Variants in ADAM17 observed in about 807,000 individuals in gnomAD.
ADAM17 encodes the protein disintegrin and metalloproteinase domain-containing protein 17.
Under a neutral mutation model 96.7 loss-of-function variants are expected in ADAM17, and 39 were observed. The observed-to-expected ratio is 0.40, with a 90% CI of 0.31 to 0.53. The LOEUF is 0.53. Ranked by LOEUF, ADAM17 falls within the 20% of genes least tolerant of loss-of-function variation. The pLI, the probability that ADAM17 is intolerant of heterozygous loss-of-function variation, is 0.44. For synonymous variants in ADAM17, 344 were observed against 359.2 expected, an observed-to-expected ratio of 0.96 and a Z score of 0.48; for missense variants, 777 against 1,013.2, an observed-to-expected ratio of 0.77 and a Z score of 3.17.
chr2:9,533,528 AGAGT>A (rs1664838446), intron 4 of ADAM17, among the ~76,000 whole-genome samples: 1 of 152,338 alleles, frequency 6.6e-6, no homozygotes, highest in Admixed American at 6.5e-5. Context: ...GCCTGGTAAC[AGAGT>A]GAGACTCAGT....
chr2:9,518,952 C>A (rs1664193166), intron 8 of ADAM17, among the ~76,000 whole-genome samples: 1 of 151,940 alleles, frequency 6.6e-6, no homozygotes, highest in African/African-American at 2.4e-5. Context: ...GTCACCTAGG[C>A]TGGAATGCAG....
Position 9,543,297 on chromosome 2 carries a change from G to A in ADAM17, c.98-12C>T, listed in dbSNP as rs1318042065. The A allele has an allele frequency of 6.4e-7, 1 of 1,573,706 alleles. No homozygotes were observed. Among genetic ancestry groups the A allele is most frequent in the Admixed American group, 2.0e-5 (1 of 51,266 alleles). On this transcript the variant is annotated splice_polypyrimidine_tract_variant and intron_variant, in intron 1 of 18. Coordinates refer to ENST00000310823, the MANE Select transcript of ADAM17 (RefSeq NM_003183.6). ...AGAATCAAGCTTCTCTGAAATAAAGGTAAAAAAGGTATTAGCATCTAAACC... is the reference window on the plus strand; with the variant it reads ...AGAATCAAGCTTCTCTGAAATAAAGATAAAAAAGGTATTAGCATCTAAACC...
intron 2 of ADAM17, among the ~76,000 whole-genome samples, chr2:9,540,160 C>T (rs1275291294): frequency 6.6e-6 from 1 of 152,148 alleles, no homozygotes; most frequent in Non-Finnish European, 1.5e-5. Context: ...ACTTCAAATC[C>T]AAAGAAACCC....
chr2:9,502,997 G>A (rs987792324), intron 12 of ADAM17, among the ~76,000 whole-genome samples: 5 of 151,178 alleles, frequency 3.3e-5, no homozygotes, highest in African/African-American at 9.7e-5. Flanking sequence ...AAAATTAGCC[G>A]GGCATGGTGC....
intron 8 of ADAM17, among the ~76,000 whole-genome samples, chr2:9,518,689 T>C (rs1242050043): frequency 6.6e-6 from 1 of 152,192 alleles, no homozygotes; most frequent in Non-Finnish European, 1.5e-5. Flanking sequence ...AGCTTCATAA[T>C]ATATTGTCAT....
At chr2:9,493,524 C>T (rs1662325822) in intron 16 of ADAM17, among the ~76,000 whole-genome samples, 1 of 152,192 alleles carries the variant, frequency 6.6e-6, no homozygotes, top group Admixed American at 6.5e-5. Flanking sequence ...AGTATTTTGA[C>T]TTTATTTCCC....
At position 9,492,878 on chromosome 2, in the gene ADAM17, C is replaced by T. The variant is rs2124959947; in HGVS notation, c.2082+20G>A. 1.3e-6 allele frequency: 2 copies of T among 1,583,142 alleles called. No individual in the cohort carries two copies. Among genetic ancestry groups the T allele is most frequent in the Non-Finnish European group, 1.7e-6 (2 of 1,160,034 alleles). On this transcript the variant is annotated intron_variant, in intron 17 of 18. Transcript: ENST00000310823. ...AAAATTTAAATAAAACATTTAATTA[C>T]TTAAAAGTTGATGACTTACCACACA...
intron 13 of ADAM17, among the ~76,000 whole-genome samples, chr2:9,498,270 G>A (rs1662767442): frequency 6.6e-6 from 1 of 152,096 alleles, no homozygotes; most frequent in South Asian, 2.1e-4. Flanking sequence ...TGGGCTCAAG[G>A]GATCCTCCCA....
Position 9,489,644 on chromosome 2 carries a change from ACT to A in ADAM17, c.*531_*532del, listed in dbSNP as rs1661924587. ...TATATATTTTCCCTGCTACATAAAA[ACT>A]CTGGGTAATAACTAGAAATAGACCC... On this transcript the variant is annotated 3_prime_UTR_variant, in exon 19 of 19. Coordinates refer to ENST00000310823, the MANE Select transcript of ADAM17 (RefSeq NM_003183.6). 6.6e-6 allele frequency: 1 copy of A among 150,508 alleles called. No homozygotes were observed. 9.3% of individuals were successfully genotyped at this position (150,508 alleles called of 1,614,324 possible).
At chr2:9,505,896 A>G (rs766326608) in intron 11 of ADAM17, among the ~76,000 whole-genome samples, 34 of 152,238 alleles carry the variant, frequency 2.2e-4, no homozygotes, top group Non-Finnish European at 1.3e-4. Flanking sequence ...AGTAATAGGC[A>G]TAATAGTACA....
At chr2:9,504,918 A>G (rs1213580080) in intron 12 of ADAM17, among the ~76,000 whole-genome samples, 1 of 151,968 alleles carries the variant, frequency 6.6e-6, no homozygotes, top group African/African-American at 2.4e-5. Flanking sequence ...GTGTCTCACT[A>G]TGTTGCCCAG....
chr2:9,536,011 G>T, intron 3 of ADAM17, 89 bp from the exon 4 acceptor site: 1 of 871,596 alleles, frequency 1.1e-6, no homozygotes, highest in Non-Finnish European at 1.6e-6. Flanking sequence ...AATCCTTCAG[G>T]GTGGAATTTG....
intron 10 of ADAM17, among the ~76,000 whole-genome samples, chr2:9,516,105 G>A (rs949338999): frequency 1.3e-5 from 2 of 152,122 alleles, no homozygotes; most frequent in East Asian, 3.9e-4. Flanking sequence ...GACATATGAC[G>A]CTGAGCATCT....
intron 10 of ADAM17, among the ~76,000 whole-genome samples, chr2:9,514,779 G>A (rs1663976306): frequency 6.6e-6 from 1 of 151,626 alleles, no homozygotes; most frequent in Non-Finnish European, 1.5e-5. Flanking sequence ...GGAGGCTGAG[G>A]CAAGAGAATG....
At chr2:9,512,031 A>G (rs567393922) in intron 10 of ADAM17, among the ~76,000 whole-genome samples, 1 of 149,368 alleles carries the variant, frequency 6.7e-6, no homozygotes, top group East Asian at 1.9e-4. Flanking sequence ...AAAATTCCTG[A>G]GTTCTTTTTT....
At chr2:9,505,021 C>T in intron 12 of ADAM17, 145 bp downstream of exon 12, 2 of 902,804 alleles carry the variant, frequency 2.2e-6, no homozygotes, top group East Asian at 5.3e-5. Context: ...CAATTTCTTG[C>T]TGTGAAGGGC....
At position 9,518,141 on chromosome 2, in the gene ADAM17, G is replaced by A; in HGVS notation, c.1064C>T (p.Ser355Phe). 6.2e-7 allele frequency: 1 copy of A among 1,600,098 alleles called. No individual in the cohort carries two copies. Among genetic ancestry groups the A allele is most frequent in the Non-Finnish European group, 8.5e-7 (1 of 1,176,236 alleles). ...ACCTCCATGGCTGTTTGCTCTGGGA[G>A]AGCCAACATAAGCTAATCCAAGAGT... ...MGTLGLAYVG[S>F]PRANSHGGVC... Residue 355 changes from serine (S) to phenylalanine (F), a missense_variant, in exon 9 of 19, where the codon TCT becomes TTT. Transcript: ENST00000310823.
Position 9,517,930 on chromosome 2 carries a change from T to C in ADAM17, c.1162A>G (p.Lys388Glu). The change falls in exon 10 of 19, where the codon AAG (lysine) becomes GAG (glutamate). Residue 388 changes from lysine to glutamate, a missense_variant. Physicochemically the swap from Lys to Glu is moderately conservative, Grantham distance 56 (BLOSUM62 1). Transcript: ENST00000310823. ...IYLNSGLTST[K>E]NYGKTILTKE... ...GTAAGGATGGTTTTACCATAATTCT[T>C]TGTGCTCGTCAAACCACTATTCAAA... 1 of 1,603,554 alleles carries C rather than the reference T, an allele frequency of 6.2e-7. No individual in the cohort carries two copies.
At chr2:9,510,179 A>G (rs1180856276) in intron 10 of ADAM17, 48 bp from the exon 11 acceptor site, 2 of 1,604,602 alleles carry the variant, frequency 1.2e-6, no homozygotes, top group African/African-American at 2.7e-5. Flanking sequence ...TCCAGCCATC[A>G]CCTACTTCTG....
Sources: allele counts gnomAD v4.1 joint callset (sites outside exome capture counted in the v4.1 genomes callset), GRCh38; gene constraint gnomAD v4.1.1; transcripts MANE v1.5; gene names NCBI Gene and HGNC (gene_info 2026-07-23, HGNC 2026-07-21).